Variants in KCND2 observed in about 807,000 individuals in gnomAD.
KCND2 encodes A-type voltage-gated potassium channel KCND2.
KCND2 carries 16 observed loss-of-function variants against 54.4 expected under a neutral mutation model. The ratio of observed to expected loss-of-function variants is 0.29; its 90% CI spans 0.20 to 0.45. The LOEUF is 0.45. Among genes scored for constraint, KCND2 ranks in the 20% least tolerant of loss-of-function variants. The pLI is 1.00. For synonymous variants in KCND2, 317 were observed against 310.7 expected, an observed-to-expected ratio of 1.02 and a Z score of -0.21; for missense variants, 486 against 824.2, an observed-to-expected ratio of 0.59 and a Z score of 5.02.
chr7:120,437,436 A>T (rs1341286727), intron 1 of KCND2, among the ~76,000 whole-genome samples: 1 of 152,108 alleles, frequency 6.6e-6, no homozygotes. Context: ...TCCTGGCCTC[A>T]GGTGATCTGC....
intron 1 of KCND2, among the ~76,000 whole-genome samples, chr7:120,313,471 C>A (rs1166347316): frequency 1.3e-5 from 2 of 152,066 alleles, no homozygotes; most frequent in African/African-American, 4.8e-5. Flanking sequence ...AATTTTAAAA[C>A]TACATTGTGA....
At chr7:120,306,190 A>G (rs1739578240) in intron 1 of KCND2, among the ~76,000 whole-genome samples, 1 of 152,098 alleles carries the variant, frequency 6.6e-6, no homozygotes, top group South Asian at 2.1e-4. Context: ...ATTGTGGTAT[A>G]TATCTCAATC....
intron 1 of KCND2, among the ~76,000 whole-genome samples, chr7:120,609,222 G>C (rs545387323): frequency 2.0e-4 from 30 of 152,088 alleles, no homozygotes; most frequent in African/African-American, 7.0e-4. Flanking sequence ...GGCAAACTAA[G>C]GTCATATAAT....
chr7:120,667,293 G>A (rs1011097806), intron 1 of KCND2, among the ~76,000 whole-genome samples: 1 of 152,026 alleles, frequency 6.6e-6, no homozygotes, highest in East Asian at 1.9e-4. Context: ...TTCTAATAAA[G>A]ACCGTGTACC....
intron 1 of KCND2, among the ~76,000 whole-genome samples, chr7:120,407,772 C>A (rs936826897): frequency 3.3e-5 from 5 of 151,036 alleles, no homozygotes; most frequent in African/African-American, 1.2e-4. Flanking sequence ...ATTATAAAAA[C>A]ATTAACATAT....
intron 1 of KCND2, among the ~76,000 whole-genome samples, chr7:120,696,520 G>A (rs1474998791): frequency 6.6e-6 from 1 of 152,198 alleles, no homozygotes; most frequent in African/African-American, 2.4e-5. Flanking sequence ...CAATGCTATG[G>A]TTTGAACGTG....
At chr7:120,299,450 C>A (rs1052441654) in intron 1 of KCND2, among the ~76,000 whole-genome samples, 2 of 151,982 alleles carry the variant, frequency 1.3e-5, no homozygotes, top group African/African-American at 4.8e-5. Context: ...CTACCTTGTT[C>A]TTTTAATAAT....
intron 1 of KCND2, among the ~76,000 whole-genome samples, chr7:120,483,480 A>G (rs1376101124): frequency 6.6e-6 from 1 of 152,204 alleles, no homozygotes; most frequent in African/African-American, 2.4e-5. Flanking sequence ...AATATCTGAA[A>G]TAGTCTGCAA....
At chr7:120,674,527 T>C (rs763867341) in intron 1 of KCND2, among the ~76,000 whole-genome samples, 7 of 152,248 alleles carry the variant, frequency 4.6e-5, no homozygotes, top group African/African-American at 1.7e-4. Context: ...TTTAGGCATG[T>C]CAAATTCTAT....
intron 1 of KCND2, among the ~76,000 whole-genome samples, chr7:120,616,769 G>A (rs1476200069): frequency 6.6e-6 from 1 of 152,068 alleles, no homozygotes; most frequent in Non-Finnish European, 1.5e-5. Context: ...TGTGTGTTAG[G>A]TTATAATGTA....
At chr7:120,646,426 T>C (rs546877233) in intron 1 of KCND2, among the ~76,000 whole-genome samples, 38 of 152,350 alleles carry the variant, frequency 2.5e-4, no homozygotes, top group Non-Finnish European at 4.4e-4. Context: ...CTGTTAGTGA[T>C]TTTATTGATT....
chr7:120,463,394 A>T (rs200813700), intron 1 of KCND2, among the ~76,000 whole-genome samples: 1 of 136,064 alleles, frequency 7.3e-6, no homozygotes, highest in South Asian at 2.3e-4. Flanking sequence ...ATAAGCAAGC[A>T]TTAAATTTTT....
chr7:120,506,363 A>G (rs999754363), intron 1 of KCND2, among the ~76,000 whole-genome samples: 2 of 151,866 alleles, frequency 1.3e-5, no homozygotes, highest in Non-Finnish European at 2.9e-5. Context: ...CTGAGATCAC[A>G]GATTCCACTT....
At chr7:120,586,774 C>T (rs147472416) in intron 1 of KCND2, among the ~76,000 whole-genome samples, 4 of 152,250 alleles carry the variant, frequency 2.6e-5, no homozygotes, top group Non-Finnish European at 4.4e-5. Context: ...TAAATCTCTG[C>T]CAAAGGCACA....
chr7:120,495,906 C>T (rs2116308739), intron 1 of KCND2, among the ~76,000 whole-genome samples: 1 of 152,044 alleles, frequency 6.6e-6, no homozygotes. Context: ...GTTTAACAGG[C>T]CACATTCCGG....
At chr7:120,683,639 A>G (rs545947035) in intron 1 of KCND2, among the ~76,000 whole-genome samples, 44 of 152,262 alleles carry the variant, frequency 2.9e-4, no homozygotes, top group African/African-American at 1.1e-3. Flanking sequence ...TTCTGTGTCT[A>G]GAGAGAAAAT....
At chr7:120,364,213 A>G (rs1276583974) in intron 1 of KCND2, among the ~76,000 whole-genome samples, 1 of 152,210 alleles carries the variant, frequency 6.6e-6, no homozygotes. Context: ...TAACACTGAC[A>G]TCAATTTTGT....
Position 120,395,134 on chromosome 7 carries a change from A to G in KCND2, c.1115+119387A>G, listed in dbSNP as rs73217219. The stretch of plus-strand genomic sequence containing the variant: ...CCCAGTTTTGTATATCATTGGAGGT[A>G]ACATTGTTTCTTCAATAACATAACT... On this transcript the variant is annotated intron_variant, in intron 1 of 5. Transcript: ENST00000331113. 5.6e-3 allele frequency among the ~76,000 whole-genome samples: 846 copies of G among 152,160 alleles called. 10 individuals carry two copies. The highest frequency in any genetic ancestry group is 0.027 in the Admixed American group (405 of 15,244).
rs188657463 is a variant in KCND2, at chr7:120,590,230, G to T, written c.1116-142673G>T. On this transcript the variant is annotated intron_variant, in intron 1 of 5. Coordinates refer to ENST00000331113, the MANE Select transcript of KCND2 (RefSeq NM_012281.3). ...GATGGGGTTTCACCATATTGGCCCC[G>T]CTGGTCTCGAACTCCTGACCTCAAG... 3.3e-5 allele frequency among the ~76,000 whole-genome samples: 5 copies of T among 152,166 alleles called. No homozygotes were observed. In the East Asian group the frequency reaches 7.7e-4, roughly 24 times the overall value.
Sources: allele counts gnomAD v4.1 joint callset (sites outside exome capture counted in the v4.1 genomes callset), GRCh38; gene constraint gnomAD v4.1.1; transcripts MANE v1.5; gene names NCBI Gene and HGNC (gene_info 2026-07-23, HGNC 2026-07-21).